The following MAP3K1 variants were observed in gnomAD, a reference collection of about 807,000 sequenced individuals.
MAP3K1 encodes MAP/ERK kinase kinase 1.
In MAP3K1, 36 loss-of-function variants were observed where a neutral mutation model predicts 144.2. The ratio of observed to expected loss-of-function variants is 0.25; its 90% CI spans 0.19 to 0.33. The LOEUF (loss-of-function observed/expected upper bound fraction) is 0.33. Among genes scored for constraint, MAP3K1 ranks in the 10% least tolerant of loss-of-function variants. The probability of loss-of-function intolerance (pLI) is 1.00; values close to 1 mark genes in which losing one functional copy is unlikely to be tolerated. For missense variants in MAP3K1, 1,650 were observed against 1,881.9 expected, an observed-to-expected ratio of 0.88 and a Z score of 2.28; for synonymous variants, 718 against 688.7, an observed-to-expected ratio of 1.04 and a Z score of -0.67.
chr5:56,879,245 A>G, intron 11 of MAP3K1, 144 bp downstream of exon 11: 1 of 1,212,954 alleles, frequency 8.2e-7, no homozygotes, highest in Admixed American at 1.7e-5. Flanking sequence ...TAAAATGAAA[A>G]TGCAGCATAA....
Position 56,829,174 on chromosome 5 carries a change from CT to C in MAP3K1, c.482+13132del, listed in dbSNP as rs941506603. 2.6e-3 allele frequency among the ~76,000 whole-genome samples: 366 copies of C among 142,666 alleles called. 1 individual carries two copies. The highest frequency in any genetic ancestry group is 3.6e-3 in the Middle Eastern group (1 of 280). The allele number at this position is 142,666 out of a possible 152,430, so 93.6% of individuals were successfully genotyped here. A position where few individuals can be genotyped will look rare whatever the true frequency, so the allele number is the denominator to read the frequency against. On this transcript the variant is annotated intron_variant, in intron 1 of 19. Transcript: ENST00000399503. ...CACCTTGCCTATTGCTGTTTTTCTT[CT>C]TTTTTTTTTTTTCCTCTTTTTTCTG...
Position 56,881,895 on chromosome 5 carries a change from A to T in MAP3K1, c.2695A>T (p.Asn899Tyr). The T allele has an allele frequency of 6.2e-7, 1 of 1,614,130 alleles. No homozygotes were observed. The highest frequency in any genetic ancestry group is 1.1e-5 in the South Asian group (1 of 91,068). Reference protein sequence around the residue: ...VPNNYLETTENSSPECTVHLE... With the variant: ...VPNNYLETTEYSSPECTVHLE... The stretch of plus-strand genomic sequence containing the variant: ...CAACAACTATCTGGAAACCACAGAG[A>T]ACAGTTCCCCTGAGTGCACAGTCCA... Residue 899 changes from asparagine to tyrosine, a missense_variant, in exon 14 of 20, where the codon AAC becomes TAC. Around this residue, in one of 6 missense-constraint regions of MAP3K1, gnomAD observed 841 missense variants for 886.5 expected, o/e 0.95. Coordinates refer to ENST00000399503, the MANE Select transcript of MAP3K1 (RefSeq NM_005921.2).
In MAP3K1 at chr5:56,869,097, A is replaced by G. The variant is rs533419863; in HGVS notation, c.1302-2813A>G. ...GACCCTGTCTGTACCAAAAAAAAAA[A>G]AGAGAAAAGAAAGAAAAGAAAAATT... is the stretch of plus-strand genomic sequence containing the variant. On this transcript the variant is annotated intron_variant, in intron 6 of 19. Transcript: ENST00000399503. Among the ~76,000 whole-genome samples the G allele has an allele frequency of 2.0e-4, 31 of 151,844 alleles. No homozygotes were observed. The East Asian group carries it at 6.0e-3, about 29-fold the overall frequency.
In MAP3K1 at chr5:56,875,268, G is replaced by T; in HGVS notation, c.1923G>T (p.Met641Ile). The T allele has an allele frequency of 6.2e-7, 1 of 1,614,088 alleles. No homozygotes were observed. Residue 641 changes from methionine to isoleucine, a missense_variant, in exon 10 of 20, where the codon ATG (methionine) becomes ATT (isoleucine). This residue lies in a region of MAP3K1 where 841 missense variants were observed against 886.5 expected (regional missense o/e 0.95). Coordinates refer to ENST00000399503, the MANE Select transcript of MAP3K1 (RefSeq NM_005921.2). ...AGGCATGCTGCAGCGTTCTGTCAAT[G>T]GTCTGTGCTGACCCTGTCTACAAAG... Reference protein sequence around the residue: ...VVEACCSVLSMVCADPVYKVY... With the variant: ...VVEACCSVLSIVCADPVYKVY...
At chr5:56,824,688 G>A (rs1746256298) in intron 1 of MAP3K1, among the ~76,000 whole-genome samples, 2 of 152,184 alleles carry the variant, frequency 1.3e-5, no homozygotes, top group South Asian at 4.1e-4. Flanking sequence ...AAAGTGTCTT[G>A]ATCTTTGAAG....
chr5:56,816,104 G>A, intron 1 of MAP3K1, 49 bp downstream of exon 1: 1 of 1,195,940 alleles, frequency 8.4e-7, no homozygotes, highest in Non-Finnish European at 1.0e-6. Flanking sequence ...AGCGGGCAGA[G>A]GGCAATGAAT....
At chr5:56,821,611 G>A (rs1222472070) in intron 1 of MAP3K1, among the ~76,000 whole-genome samples, 2 of 152,164 alleles carry the variant, frequency 1.3e-5, no homozygotes, top group South Asian at 2.1e-4. Context: ...TGCCCAGGCT[G>A]GAATCGAACT....
At chr5:56,870,133 T>C (rs1465934534) in intron 6 of MAP3K1, among the ~76,000 whole-genome samples, 1 of 152,186 alleles carries the variant, frequency 6.6e-6, no homozygotes, top group East Asian at 1.9e-4. Flanking sequence ...ATTAAAAAAA[T>C]TAGAAGTAAT....
At position 56,815,687 on chromosome 5, in the gene MAP3K1, G is replaced by C; in HGVS notation, c.114G>C (p.Ala38=). 2 of 1,302,846 alleles carry C rather than the reference G, an allele frequency of 1.5e-6. No individual in the cohort carries two copies. Among genetic ancestry groups the C allele is most frequent in the East Asian group, 3.2e-5 (1 of 31,700 alleles). The allele number at this position is 1,302,846 out of a possible 1,614,324, so 80.7% of individuals were successfully genotyped here. A position where few individuals can be genotyped will look rare whatever the true frequency, so the allele number is the denominator to read the frequency against. ...GGALKASSAP[A]AAAGLLREAG... Reference sequence around the variant, plus strand: ...CCCTCAAGGCGAGCAGCGCGCCCGCGGCTGCCGCGGGACTGCTGCGGGAGG... The same window carrying C: ...CCCTCAAGGCGAGCAGCGCGCCCGCCGCTGCCGCGGGACTGCTGCGGGAGG... Residue 38 remains alanine, a synonymous_variant, in exon 1 of 20, where the codon GCG becomes GCC. Transcript: ENST00000399503.
Position 56,872,992 on chromosome 5 carries a change from A to G in MAP3K1, c.1673A>G (p.Glu558Gly). The change falls in exon 9 of 20, where the codon GAG becomes GGG. Residue 558 changes from glutamate to glycine, a missense_variant. By Grantham distance (98) the Glu-to-Gly change is moderately conservative. This residue lies in a region of MAP3K1 where 841 missense variants were observed against 886.5 expected (regional missense o/e 0.95). Transcript: ENST00000399503. ...QIPPAYKDLA[E>G]PWIQVFGMEL... Reference sequence around the variant, plus strand: ...CCTCCTGCTTACAAAGATTTAGCTGAGCCATGGATTCAGGTAAGTAGTTCT... The same window carrying G: ...CCTCCTGCTTACAAAGATTTAGCTGGGCCATGGATTCAGGTAAGTAGTTCT... The G allele has an allele frequency of 6.2e-7, 1 of 1,613,964 alleles. No individual in the cohort carries two copies. The highest frequency in any genetic ancestry group is 8.5e-7 in the Non-Finnish European group (1 of 1,179,902).
At chr5:56,820,637 G>C in intron 1 of MAP3K1, 1 of 985,234 alleles carries the variant, frequency 1.0e-6, no homozygotes, top group South Asian at 4.7e-5. Flanking sequence ...AAGGAGATAA[G>C]CTGAAATTAA....
chr5:56,842,409 T>C (rs1329466024), intron 1 of MAP3K1, among the ~76,000 whole-genome samples: 2 of 152,238 alleles, frequency 1.3e-5, no homozygotes, highest in Admixed American at 1.3e-4. Flanking sequence ...TTTCTTCATC[T>C]GCCCAATGAA....
chr5:56,880,947 G>T, intron 12 of MAP3K1, 136 bp from the exon 13 acceptor site: 1 of 1,044,284 alleles, frequency 9.6e-7, no homozygotes, highest in South Asian at 1.4e-5. Context: ...AGTTAGAAAT[G>T]TGAATTACTC....
intron 7 of MAP3K1, among the ~76,000 whole-genome samples, chr5:56,872,358 G>A (rs1747881702): frequency 6.6e-6 from 1 of 152,178 alleles, no homozygotes; most frequent in African/African-American, 2.4e-5. Flanking sequence ...ATTACAGAAA[G>A]GCTAGCATCA....
intron 1 of MAP3K1, among the ~76,000 whole-genome samples, chr5:56,829,349 A>T (rs1161438553): frequency 6.1e-4 from 79 of 130,338 alleles, no homozygotes; most frequent in Admixed American, 9.5e-4. Context: ...TGCCCGGCAA[A>T]TTTTTTTTTT....
chr5:56,872,091 G>A, intron 7 of MAP3K1, 60 bp downstream of exon 7: 1 of 1,607,864 alleles, frequency 6.2e-7, no homozygotes, highest in Non-Finnish European at 8.5e-7. Context: ...AGCTAACTAT[G>A]TTATTTAAGA....
intron 1 of MAP3K1, among the ~76,000 whole-genome samples, chr5:56,825,107 A>G (rs1434902206): frequency 5.3e-5 from 8 of 152,158 alleles, no homozygotes. Flanking sequence ...TCCCAGGTTC[A>G]GGCAATTCTC....
intron 3 of MAP3K1, among the ~76,000 whole-genome samples, chr5:56,863,103 C>T (rs1056471995): frequency 2.0e-5 from 3 of 152,170 alleles, no homozygotes; most frequent in African/African-American, 4.8e-5. Flanking sequence ...AATGCCATGC[C>T]CAAGTAAGGC....
intron 1 of MAP3K1, among the ~76,000 whole-genome samples, chr5:56,850,235 T>C (rs1455736817): frequency 6.6e-6 from 1 of 152,178 alleles, no homozygotes; most frequent in Non-Finnish European, 1.5e-5. Context: ...GTGAATTTCT[T>C]CTGCTAGGAA....
Sources: gnomAD v4.1 joint callset for allele counts (sites outside exome capture counted in the v4.1 genomes callset) on GRCh38, gnomAD v4.1.1 for gene constraint, gnomAD v4.1.1 regional missense constraint, MANE v1.5 for transcripts, NCBI Gene and HGNC (gene_info 2026-07-23, HGNC 2026-07-21) for gene names.